Variants in GNG7 observed in about 807,000 individuals in gnomAD.
GNG7 encodes G protein subunit gamma 7, also known as guanine nucleotide-binding protein G(I)/G(S)/G(O) subunit gamma-7.
In GNG7, 1 loss-of-function variant was observed where a neutral mutation model predicts 4.0. The ratio of observed to expected loss-of-function variants is 0.25; its 90% CI spans 0.09 to 1.18. The LOEUF is 1.18. Among genes scored for constraint, GNG7 ranks in the 50% most tolerant of loss-of-function variants. The pLI is 0.50. For missense variants in GNG7, 86 were observed against 91.9 expected (o/e 0.94, Z 0.26); for synonymous variants, 34 against 36.9 (o/e 0.92, Z 0.29).
rs892291143 is a variant in GNG7 at position 2,634,804 on chromosome 19, C to T, written c.-78+11420G>A. On this transcript the variant is annotated intron_variant, in intron 2 of 4. Transcript: ENST00000382159. This position sits in a 1 kb window ranked among gnomAD's most constrained non-coding sequence, Gnocchi z 5.3. ...GGGGAAATAAACCCGCTCTGACTGG[C>T]CGCGGGGACTGGAGTTTGCTTACCA... Among the ~76,000 whole-genome samples, 7 of 152,044 alleles carry T rather than the reference C, an allele frequency of 4.6e-5. No individual in the cohort carries two copies. Among genetic ancestry groups the T allele is most frequent in the Non-Finnish European group, 1.0e-4 (7 of 68,016 alleles).
chr19:2,521,505 G>A (rs529066512), intron 3 of GNG7, among the ~76,000 whole-genome samples: 1 of 151,972 alleles, frequency 6.6e-6, no homozygotes, highest in African/African-American at 2.4e-5. Context: ...TGCCCCGGAC[G>A]GCCCCACGCC....
intron 4 of GNG7, among the ~76,000 whole-genome samples, chr19:2,519,641 C>T: frequency 6.9e-6 from 1 of 145,234 alleles, no homozygotes; most frequent in African/African-American, 2.6e-5. Context: ...AATCCGTAGA[C>T]TTCAAGCACA....
At chr19:2,517,910 G>C (rs935880482) in intron 4 of GNG7, among the ~76,000 whole-genome samples, 3 of 152,186 alleles carry the variant, frequency 2.0e-5, no homozygotes, top group Non-Finnish European at 4.4e-5. Context: ...GACAGCTTTG[G>C]GGTCTTGCCC....
At chr19:2,659,592 TA>T (rs879035849) in intron 1 of GNG7, among the ~76,000 whole-genome samples, 85 of 43,460 alleles carry the variant, frequency 2.0e-3, no homozygotes, top group African/African-American at 5.8e-3. Flanking sequence ...GACTCCATCT[TA>T]AAAAAAAAAA....
intron 1 of GNG7, among the ~76,000 whole-genome samples, chr19:2,680,926 C>A (rs1359507017): frequency 6.6e-6 from 1 of 151,878 alleles, no homozygotes; most frequent in Non-Finnish European, 1.5e-5. Context: ...CCATGTCCTA[C>A]CTCCCCGTGA....
intron 2 of GNG7, among the ~76,000 whole-genome samples, chr19:2,639,510 G>A (rs924483555): frequency 1.8e-4 from 3 of 16,460 alleles, no homozygotes; most frequent in African/African-American, 9.0e-4. Context: ...TCACAGCTGC[G>A]GCTGGGAGGG....
At chr19:2,549,731 G>A (rs1222694439) in intron 3 of GNG7, among the ~76,000 whole-genome samples, 1 of 149,372 alleles carries the variant, frequency 6.7e-6, no homozygotes, top group Non-Finnish European at 1.5e-5. Flanking sequence ...CAGCTGACCA[G>A]GAGGGAGGAA....
chr19:2,659,172 G>T (rs145145184), intron 1 of GNG7, among the ~76,000 whole-genome samples: 2,667 of 151,898 alleles, frequency 0.018, 68 homozygotes, highest in African/African-American at 0.051. Context: ...GGTTTCACCG[G>T]GTTAGCCAGG....
intron 1 of GNG7, among the ~76,000 whole-genome samples, chr19:2,670,317 G>T (rs1434791834): frequency 2.0e-5 from 3 of 152,198 alleles, no homozygotes; most frequent in Non-Finnish European, 4.4e-5. Flanking sequence ...ACTGTCGGGG[G>T]AGCAGAGACT....
chr19:2,634,709 C>T lies in GNG7; in HGVS notation c.-78+11515G>A, dbSNP rs1376078774. 6.6e-6 allele frequency among the ~76,000 whole-genome samples: 1 copy of T among 151,930 alleles called. No homozygotes were observed. Among genetic ancestry groups the T allele is most frequent in the Non-Finnish European group, 1.5e-5 (1 of 67,990 alleles). ...AATTCTTTCAGGGGAACAACTTGTC[C>T]GCGAAAAGAACTGATAATAACGTGA... On this transcript the variant is annotated intron_variant, in intron 2 of 4. Transcript: ENST00000382159. The surrounding 1 kb of genome is among the most constrained non-coding windows in gnomAD (Gnocchi z 5.3).
chr19:2,598,322 G>A (rs1176211895), intron 2 of GNG7, among the ~76,000 whole-genome samples: 2 of 152,040 alleles, frequency 1.3e-5, no homozygotes, highest in South Asian at 2.1e-4. Context: ...TCAGGAGTTC[G>A]AGACCAGCCT....
chr19:2,670,829 C>G (rs1278502054), intron 1 of GNG7, among the ~76,000 whole-genome samples: 1 of 152,004 alleles, frequency 6.6e-6, no homozygotes, highest in Non-Finnish European at 1.5e-5. Context: ...AATCATCCAC[C>G]ATTGACACCC....
In GNG7 at chr19:2,524,648, C is replaced by T. The variant is rs188839909; in HGVS notation, c.-37-3923G>A. On this transcript the variant is annotated intron_variant, in intron 3 of 4. Transcript: ENST00000382159. The stretch of plus-strand genomic sequence containing the variant: ...TGTCTATATGAGTGCATGTACACAT[C>T]TACGTGTGTGCGTCTGCATATGAGT... Among the ~76,000 whole-genome samples, 286 of 152,336 alleles carry T rather than the reference C, an allele frequency of 1.9e-3. 2 individuals carry two copies. The highest frequency in any genetic ancestry group is 6.6e-3 in the African/African-American group (273 of 41,590).
chr19:2,683,062 C>A (rs1453698720), intron 1 of GNG7, among the ~76,000 whole-genome samples: 2 of 152,010 alleles, frequency 1.3e-5, no homozygotes, highest in Non-Finnish European at 2.9e-5. Context: ...GAAACCCCAT[C>A]TCTTTAAATT....
intron 2 of GNG7, among the ~76,000 whole-genome samples, chr19:2,590,960 C>T (rs1980835818): frequency 6.6e-6 from 1 of 152,222 alleles, no homozygotes; most frequent in Admixed American, 6.5e-5. Context: ...CATCCACATA[C>T]ATACATACTA....
chr19:2,602,222 A>G (rs958548177), intron 2 of GNG7, among the ~76,000 whole-genome samples: 1 of 152,136 alleles, frequency 6.6e-6, no homozygotes, highest in Non-Finnish European at 1.5e-5. Flanking sequence ...CTGTAATCTC[A>G]GCTACTTGGG....
chr19:2,517,065 C>T (rs1228564984), intron 4 of GNG7: 1 of 152,306 alleles, frequency 6.6e-6, no homozygotes, highest in Non-Finnish European at 1.5e-5. Flanking sequence ...AGCGACCTTT[C>T]TCTCCTTGCT....
intron 3 of GNG7, among the ~76,000 whole-genome samples, chr19:2,542,756 G>C (rs936953143): frequency 6.6e-6 from 1 of 152,092 alleles, no homozygotes; most frequent in African/African-American, 2.4e-5. Flanking sequence ...AGGCTGGAGG[G>C]CCCCCCGGTG....
At chr19:2,667,039 TC>T (rs1983327484) in intron 1 of GNG7, among the ~76,000 whole-genome samples, 1 of 151,948 alleles carries the variant, frequency 6.6e-6, no homozygotes, top group Admixed American at 6.6e-5. Flanking sequence ...CACACACTCA[TC>T]CGGGCGCGGT....
Sources: gnomAD v4.1 joint callset for allele counts (sites outside exome capture counted in the v4.1 genomes callset) on GRCh38, gnomAD v4.1.1 for gene constraint, Gnocchi (gnomAD v3.1) non-coding constraint, MANE v1.5 for transcripts, NCBI Gene and HGNC (gene_info 2026-07-23, HGNC 2026-07-21) for gene names.